PLS1: variants seen among roughly 807,000 people sequenced by gnomAD.
The protein encoded by PLS1 is plastin 1.
Under a neutral mutation model 73.7 loss-of-function variants are expected in PLS1, and 32 were observed. That is an observed-to-expected ratio of 0.43 (90% CI 0.33 to 0.58). The LOEUF (loss-of-function observed/expected upper bound fraction) is 0.58, where lower values mean the gene tolerates loss of function less well. Among genes scored for constraint, PLS1 ranks in the 20% least tolerant of loss-of-function variants. The pLI is 0.04. For synonymous variants in PLS1, 217 were observed against 261.3 expected (o/e 0.83, Z 1.63); for missense variants, 633 against 740.5 (o/e 0.85, Z 1.68).
chr3:142,633,340 A>G (rs2036607294), intron 1 of PLS1, among the ~76,000 whole-genome samples: 1 of 152,234 alleles, frequency 6.6e-6, no homozygotes, highest in Non-Finnish European at 1.5e-5. Context: ...TGAAATGTAT[A>G]CTTAAAAATG....
chr3:142,679,318 T>C (rs1279765530), intron 6 of PLS1, among the ~76,000 whole-genome samples: 22 of 150,680 alleles, frequency 1.5e-4, no homozygotes, highest in Admixed American at 2.6e-4. Flanking sequence ...TTGCCATTGC[T>C]TTTGGTGTTT....
intron 12 of PLS1, 47 bp from the exon 13 acceptor site, chr3:142,703,819 GAT>G (rs1577912889): frequency 1.4e-5 from 18 of 1,314,384 alleles, no homozygotes; most frequent in Non-Finnish European, 1.9e-5. Context: ...CTATTCTGGA[GAT>G]ATGTTTTTAA....
intron 1 of PLS1, among the ~76,000 whole-genome samples, chr3:142,659,837 C>T (rs2037328382): frequency 6.6e-6 from 1 of 152,082 alleles, no homozygotes; most frequent in Non-Finnish European, 1.5e-5. Flanking sequence ...GCTGGGATTA[C>T]AGGTGTGTGC....
At chr3:142,602,520 G>C (rs940707428) in intron 1 of PLS1, among the ~76,000 whole-genome samples, 4 of 152,140 alleles carry the variant, frequency 2.6e-5, no homozygotes, top group Non-Finnish European at 5.9e-5. Flanking sequence ...TTGGGGAGTT[G>C]TGAAGTCCCT....
intron 1 of PLS1, among the ~76,000 whole-genome samples, chr3:142,625,050 T>A (rs1180285934): frequency 2.6e-5 from 4 of 152,176 alleles, no homozygotes. Context: ...ATGTTACTAA[T>A]GGTTTGGCCT....
intron 2 of PLS1, among the ~76,000 whole-genome samples, chr3:142,666,073 AC>A (rs2037473099): frequency 6.6e-6 from 1 of 152,232 alleles, no homozygotes; most frequent in South Asian, 2.1e-4. Context: ...ATAGAGGAAC[AC>A]GGCCATCCAA....
chr3:142,675,951 G>A (rs564412476), intron 4 of PLS1, among the ~76,000 whole-genome samples: 99 of 152,340 alleles, frequency 6.5e-4, no homozygotes, highest in Non-Finnish European at 9.3e-4. Context: ...GAAGTGCTGG[G>A]ATTACAGGCG....
intron 12 of PLS1, among the ~76,000 whole-genome samples, chr3:142,699,268 G>A (rs866648190): frequency 1.3e-5 from 2 of 152,260 alleles, no homozygotes; most frequent in Middle Eastern, 3.4e-3. Context: ...GGCCAGGCTG[G>A]CCAACATAGT....
intron 9 of PLS1, 55 bp from the exon 10 acceptor site, chr3:142,689,563 T>C: frequency 9.4e-7 from 1 of 1,065,692 alleles, no homozygotes; most frequent in Non-Finnish European, 1.3e-6. Flanking sequence ...TGTATACCAA[T>C]AAAAATTATG....
At chr3:142,710,519 C>T (rs1349182585) in intron 14 of PLS1, among the ~76,000 whole-genome samples, 1 of 152,046 alleles carries the variant, frequency 6.6e-6, no homozygotes, top group Non-Finnish European at 1.5e-5. Flanking sequence ...ATGCTTTATA[C>T]ATAAACAAGG....
chr3:142,693,624 A>C (rs2038132166), intron 10 of PLS1, among the ~76,000 whole-genome samples: 1 of 152,152 alleles, frequency 6.6e-6, no homozygotes, highest in South Asian at 2.1e-4. Flanking sequence ...CAGTCAGGAG[A>C]TGACTAGAAG....
chr3:142,693,921 A>C (rs1560072874), intron 10 of PLS1, among the ~76,000 whole-genome samples: 1 of 151,870 alleles, frequency 6.6e-6, no homozygotes, highest in Admixed American at 6.6e-5. Flanking sequence ...AAATAGTTAT[A>C]TTCCCCTCAT....
intron 1 of PLS1, among the ~76,000 whole-genome samples, chr3:142,641,620 A>T (rs1235490166): frequency 6.6e-6 from 1 of 151,550 alleles, no homozygotes; most frequent in East Asian, 1.9e-4. Context: ...TACAGTTCGT[A>T]ATTTTTGTCT....
chr3:142,634,131 C>T (rs1577808731), intron 1 of PLS1, among the ~76,000 whole-genome samples: 1 of 152,220 alleles, frequency 6.6e-6, no homozygotes, highest in African/African-American at 2.4e-5. Context: ...GTCTAAAATG[C>T]AGCAAAAAGG....
At chr3:142,629,260 G>T (rs376209808) in intron 1 of PLS1, among the ~76,000 whole-genome samples, 1 of 151,208 alleles carries the variant, frequency 6.6e-6, no homozygotes, top group African/African-American at 2.4e-5. Flanking sequence ...GCAATGGCGC[G>T]ATCTTGGCTT....
intron 3 of PLS1, among the ~76,000 whole-genome samples, chr3:142,670,496 A>G (rs1033093301): frequency 2.6e-5 from 4 of 152,204 alleles, no homozygotes; most frequent in Admixed American, 2.6e-4. Flanking sequence ...AAAAAACCCA[A>G]TCACTTTGCT....
intron 1 of PLS1, among the ~76,000 whole-genome samples, chr3:142,617,547 T>A (rs2036237117): frequency 6.6e-6 from 1 of 152,036 alleles, no homozygotes; most frequent in African/African-American, 2.4e-5. Context: ...AAGGAAAAAA[T>A]TCAGAAATCC....
chr3:142,610,484 T>G (rs1279067779), intron 1 of PLS1, among the ~76,000 whole-genome samples: 1 of 152,222 alleles, frequency 6.6e-6, no homozygotes, highest in Non-Finnish European at 1.5e-5. Context: ...TAAGCAGCCA[T>G]ATCTAAAAAT....
At chr3:142,603,569 A>G (rs1414030717) in intron 1 of PLS1, among the ~76,000 whole-genome samples, 1 of 152,088 alleles carries the variant, frequency 6.6e-6, no homozygotes, top group Non-Finnish European at 1.5e-5. Context: ...GCTTGAGCTC[A>G]AGAGTTCAAC....
Sources: allele counts gnomAD v4.1 joint callset (sites outside exome capture counted in the v4.1 genomes callset), GRCh38; gene constraint gnomAD v4.1.1; transcripts MANE v1.5; gene names NCBI Gene and HGNC (gene_info 2026-07-23, HGNC 2026-07-21).